Variants in ANO3 observed in about 807,000 individuals in gnomAD.
The protein encoded by ANO3 is anoctamin 3, also known as anoctamin-3.
In ANO3, 99 loss-of-function variants were observed where a neutral mutation model predicts 144.8. The observed-to-expected ratio is 0.68, with a 90% confidence interval of 0.58 to 0.81. The LOEUF (loss-of-function observed/expected upper bound fraction) is 0.81. Among genes scored for constraint, ANO3 ranks in the 30% least tolerant of loss-of-function variants. The probability of loss-of-function intolerance (pLI) is 0.00; values close to 1 mark genes in which losing one functional copy is unlikely to be tolerated. For synonymous variants in ANO3, 414 were observed against 392.6 expected, an observed-to-expected ratio of 1.05 and a Z score of -0.64; for missense variants, 905 against 1,202.2, an observed-to-expected ratio of 0.75 and a Z score of 3.66.
At chr11:26,435,590 C>A (rs1375284086) in intron 1 of ANO3, among the ~76,000 whole-genome samples, 7 of 152,188 alleles carry the variant, frequency 4.6e-5, no homozygotes, top group African/African-American at 1.4e-4. Context: ...GTTTTGTTCA[C>A]TCTTTTTTAT....
At chr11:26,224,265 C>T (rs1232555325) in intron 1 of ANO3, among the ~76,000 whole-genome samples, 1 of 152,192 alleles carries the variant, frequency 6.6e-6, no homozygotes, top group Non-Finnish European at 1.5e-5. Context: ...GGCCAACAGG[C>T]CCCGTACAAT....
chr11:26,431,098 C>T (rs1300864375), intron 1 of ANO3, among the ~76,000 whole-genome samples: 1 of 152,162 alleles, frequency 6.6e-6, no homozygotes, highest in Non-Finnish European at 1.5e-5. Context: ...TGAAATGTGG[C>T]TACGATGACT....
chr11:26,651,920 G>A (rs1248175152), intron 24 of ANO3, among the ~76,000 whole-genome samples: 1 of 152,120 alleles, frequency 6.6e-6, no homozygotes, highest in African/African-American at 2.4e-5. Flanking sequence ...AACTCACCTG[G>A]ATCTCTAAAG....
chr11:26,264,470 A>C (rs1258013122), intron 1 of ANO3, among the ~76,000 whole-genome samples: 5 of 152,210 alleles, frequency 3.3e-5, no homozygotes, highest in African/African-American at 4.8e-5. Flanking sequence ...TATTTTTCAT[A>C]ATACAAAGTG....
intron 11 of ANO3, among the ~76,000 whole-genome samples, chr11:26,546,865 T>C (rs1255958414): frequency 6.6e-6 from 1 of 151,934 alleles, no homozygotes; most frequent in Non-Finnish European, 1.5e-5. Context: ...TTACCATACA[T>C]TTTTGTAAGT....
intron 17 of ANO3, among the ~76,000 whole-genome samples, chr11:26,608,179 A>G (rs1275618835): frequency 2.0e-5 from 3 of 152,006 alleles, no homozygotes; most frequent in Middle Eastern, 3.4e-3. Flanking sequence ...TTTTCTTTCA[A>G]TGGTCAGGTC....
chr11:26,635,525 A>G (rs1852928888), intron 20 of ANO3, among the ~76,000 whole-genome samples: 1 of 152,112 alleles, frequency 6.6e-6, no homozygotes, highest in Non-Finnish European at 1.5e-5. Flanking sequence ...ACTGCCCAGG[A>G]GTAGTATTGT....
intron 3 of ANO3, among the ~76,000 whole-genome samples, chr11:26,459,831 GT>G (rs1305610085): frequency 6.6e-6 from 1 of 152,028 alleles, no homozygotes; most frequent in Non-Finnish European, 1.5e-5. Context: ...CACTCCTAGG[GT>G]TTTAGCCTGT....
chr11:26,198,150 T>A (rs1228836764), intron 1 of ANO3, among the ~76,000 whole-genome samples: 4 of 152,146 alleles, frequency 2.6e-5, no homozygotes, highest in Non-Finnish European at 5.9e-5. Flanking sequence ...GGATTGAGGA[T>A]GGTTCTGGAA....
chr11:26,256,771 C>T (rs895356258), intron 1 of ANO3, among the ~76,000 whole-genome samples: 1 of 152,042 alleles, frequency 6.6e-6, no homozygotes, highest in Non-Finnish European at 1.5e-5. Context: ...TCTACTTTTA[C>T]AGGGTAAATT....
Position 26,498,034 on chromosome 11 carries a change from G to A in ANO3, c.433-10070G>A, listed in dbSNP as rs1486147269. Among the ~76,000 whole-genome samples the A allele has an allele frequency of 2.0e-5, 3 of 151,868 alleles. No homozygotes were observed. In the East Asian group the frequency reaches 5.8e-4, roughly 29 times the overall value. ...TTGTCTTTGCCAGCTGACTTTATGGGACTTGAATGTGTTCACATCTCAACA... is the reference window on the plus strand; with the variant it reads ...TTGTCTTTGCCAGCTGACTTTATGGAACTTGAATGTGTTCACATCTCAACA... On this transcript the variant is annotated intron_variant, in intron 4 of 26. Coordinates refer to ENST00000256737, the MANE Select transcript of ANO3 (RefSeq NM_031418.4).
chr11:26,565,539 G>A, intron 14 of ANO3: 1 of 1,613,346 alleles, frequency 6.2e-7, no homozygotes, highest in Non-Finnish European at 8.5e-7. Context: ...AGGGCTTGTG[G>A]AAATGGTAGA....
At chr11:26,358,511 A>T (rs1855845467) in intron 1 of ANO3, among the ~76,000 whole-genome samples, 1 of 152,166 alleles carries the variant, frequency 6.6e-6, no homozygotes, top group African/African-American at 2.4e-5. Flanking sequence ...TTTTATTGGG[A>T]TTGTATTGCC....
chr11:26,484,167 G>C (rs1860346452), intron 4 of ANO3, among the ~76,000 whole-genome samples: 1 of 152,116 alleles, frequency 6.6e-6, no homozygotes, highest in African/African-American at 2.4e-5. Flanking sequence ...GTATTTAAAA[G>C]GGAAACAGAG....
At chr11:26,510,764 G>A (rs1000067354) in intron 5 of ANO3, among the ~76,000 whole-genome samples, 6 of 152,180 alleles carry the variant, frequency 3.9e-5, no homozygotes, top group Admixed American at 6.5e-5. Context: ...CTTCTACCTA[G>A]TTTTCTTGCC....
chr11:26,359,876 A>AGTGTGTGTGTGTGTGT (rs142194688), intron 1 of ANO3, among the ~76,000 whole-genome samples: 112 of 149,496 alleles, frequency 7.5e-4, no homozygotes, highest in African/African-American at 2.4e-3. Context: ...ATGTCAGACT[A>AGTGTGTGTGTGTGTGT]GTGTGTGTGT....
intron 1 of ANO3, among the ~76,000 whole-genome samples, chr11:26,400,600 T>C (rs535604505): frequency 1.3e-5 from 2 of 152,068 alleles, no homozygotes; most frequent in East Asian, 1.9e-4. Flanking sequence ...CTTTATTCCA[T>C]AATTTGTCTT....
chr11:26,416,399 G>GT (rs1229376607), intron 1 of ANO3, among the ~76,000 whole-genome samples: 1 of 151,704 alleles, frequency 6.6e-6, no homozygotes, highest in Non-Finnish European at 1.5e-5. Flanking sequence ...AAGCTTCAGT[G>GT]TTTTCCTGTT....
chr11:26,404,543 G>A (rs542197610), intron 1 of ANO3, among the ~76,000 whole-genome samples: 6 of 151,716 alleles, frequency 4.0e-5, no homozygotes, highest in South Asian at 2.1e-4. Context: ...TGCATGCAAC[G>A]TTCCCGAAAT....
Sources: allele counts gnomAD v4.1 joint callset (sites outside exome capture counted in the v4.1 genomes callset), GRCh38; gene constraint gnomAD v4.1.1; transcripts MANE v1.5; gene names NCBI Gene and HGNC (gene_info 2026-07-23, HGNC 2026-07-21).